Variants in P2RX7 observed in about 807,000 individuals in gnomAD.
P2RX7 encodes the protein purinergic receptor P2X 7, also known as P2X purinoceptor 7.
In P2RX7, 62 loss-of-function variants were observed where a neutral mutation model predicts 71.6. The ratio of observed to expected loss-of-function variants is 0.87; its 90% confidence interval spans 0.71 to 1.07. P2RX7 has a LOEUF of 1.07. Ranked by LOEUF, P2RX7 falls within the 50% of genes least tolerant of loss-of-function variation. P2RX7 has a pLI of 0.00. For missense variants in P2RX7, 686 were observed against 748.5 expected, an observed-to-expected ratio of 0.92 and a Z score of 0.97; for synonymous variants, 299 against 283.3, an observed-to-expected ratio of 1.06 and a Z score of -0.56.
In P2RX7 at chr12:121,175,960, G is replaced by A. The variant is rs192668214; in HGVS notation, c.972+482G>A. Among the ~76,000 whole-genome samples the A allele has an allele frequency of 2.2e-3, 337 of 152,048 alleles. 5 individuals carry two copies. The highest frequency in any genetic ancestry group is 3.7e-4 in the Non-Finnish European group (25 of 67,988). Reference sequence around the variant, plus strand: ...TCTTATATACGTCCTCCTTGGTCTTGGCAGCCATCTCTCTATGAAGGTATC... The same window carrying A: ...TCTTATATACGTCCTCCTTGGTCTTAGCAGCCATCTCTCTATGAAGGTATC... On this transcript the variant is annotated intron_variant, in intron 9 of 12. Coordinates refer to ENST00000328963, the MANE Select transcript of P2RX7 (RefSeq NM_002562.6).
intron 7 of P2RX7, 49 bp from the exon 8 acceptor site, chr12:121,167,439 G>A (rs202151370): frequency 5.0e-5 from 80 of 1,602,286 alleles, no homozygotes; most frequent in Non-Finnish European, 6.3e-5. Flanking sequence ...TGGCGGTTGC[G>A]TAACTCACAC....
At chr12:121,143,911 A>C (rs527670804) in intron 1 of P2RX7, among the ~76,000 whole-genome samples, 1 of 152,262 alleles carries the variant, frequency 6.6e-6, no homozygotes, top group African/African-American at 2.4e-5. Flanking sequence ...TCAGAAAATC[A>C]CCGGTTTTAA....
Position 121,167,582 on chromosome 12 carries a change from A to T in P2RX7, c.839A>T (p.Asp280Val). ...RPKYSFRRLD[D>V]KTTNVSLYPG... is the part of the protein sequence containing the mutation. ...AAATACAGTTTCCGTCGCCTTGACG[A>T]CAAGACCACCAACGTGTCCTTGTAC... is the stretch of plus-strand genomic sequence containing the variant. The change falls in exon 8 of 13, where the codon GAC (aspartate) becomes GTC (valine). Residue 280 changes from aspartate (D) to valine (V), a missense_variant. By Grantham distance (152) the Asp-to-Val change is radical (BLOSUM62 -3). Transcript: ENST00000328963. 6.2e-7 allele frequency: 1 copy of T among 1,611,426 alleles called. No homozygotes were observed. The highest frequency in any genetic ancestry group is 8.5e-7 in the Non-Finnish European group (1 of 1,178,654).
intron 1 of P2RX7, chr12:121,148,942 G>T: frequency 2.4e-6 from 1 of 408,926 alleles, no homozygotes; most frequent in South Asian, 2.0e-5. Context: ...TGTGAGCTAA[G>T]AGATACAAGG....
rs149562896 is a variant in P2RX7, at chr12:121,155,544, G to A, written c.295-535G>A. On this transcript the variant is annotated intron_variant, in intron 2 of 12. Transcript: ENST00000328963. Reference sequence around the variant, plus strand: ...GAGTCCAAAAAACAGATAAGGGGGCGAGAGGGACAAAGGGGCACGTTTGCG... The same window carrying A: ...GAGTCCAAAAAACAGATAAGGGGGCAAGAGGGACAAAGGGGCACGTTTGCG... Among the ~76,000 whole-genome samples, 742 of 152,228 alleles carry A rather than the reference G, an allele frequency of 4.9e-3. 5 individuals are homozygous for A. The highest frequency in any genetic ancestry group is 0.017 in the African/African-American group (712 of 41,530).
chr12:121,155,535 T>A (rs534169746), intron 2 of P2RX7, among the ~76,000 whole-genome samples: 1 of 151,866 alleles, frequency 6.6e-6, no homozygotes, highest in Non-Finnish European at 1.5e-5. Context: ...AAAAAACAGA[T>A]AAGGGGGCGA....
intron 8 of P2RX7, among the ~76,000 whole-genome samples, chr12:121,173,655 G>A (rs1882586403): frequency 6.6e-6 from 1 of 152,226 alleles, no homozygotes; most frequent in Non-Finnish European, 1.5e-5. Flanking sequence ...GTTACTCAGT[G>A]GAAGGGCAAG....
intron 12 of P2RX7, among the ~76,000 whole-genome samples, chr12:121,181,730 G>A (rs925685746): frequency 6.6e-5 from 10 of 151,620 alleles, no homozygotes; most frequent in East Asian, 1.9e-4. Context: ...GGTGGCGGGC[G>A]ACTGTAGTCC....
chr12:121,167,723 A>G (rs1881385263), intron 8 of P2RX7, 99 bp downstream of exon 8: 7 of 1,088,314 alleles, frequency 6.4e-6, no homozygotes, highest in Non-Finnish European at 7.6e-6. Context: ...AGATGAATGA[A>G]AAAAGACTTT....
At chr12:121,142,895 C>T (rs1875277580) in intron 1 of P2RX7, among the ~76,000 whole-genome samples, 1 of 151,920 alleles carries the variant, frequency 6.6e-6, no homozygotes, top group African/African-American at 2.4e-5. Context: ...TCAAGACCAG[C>T]CTGGCCAGCA....
chr12:121,171,844 C>T (rs946506828), intron 8 of P2RX7, among the ~76,000 whole-genome samples: 36 of 148,552 alleles, frequency 2.4e-4, no homozygotes, highest in African/African-American at 8.5e-4. Flanking sequence ...CACACTCACC[C>T]CAAGTGATTC....
chr12:121,168,092 T>A (rs1168245107), intron 8 of P2RX7, among the ~76,000 whole-genome samples: 1 of 152,030 alleles, frequency 6.6e-6, no homozygotes, highest in Non-Finnish European at 1.5e-5. Flanking sequence ...CTGTACCAAT[T>A]ATTTCATACA....
Position 121,166,160 on chromosome 12 carries a change from C to A in P2RX7, c.717C>A (p.Gly239=), listed in dbSNP as rs143136976. Residue 239 remains glycine (G), a synonymous_variant, in exon 7 of 13, where the codon GGC becomes GGA. Transcript: ENST00000328963. ...FRLGDIFRET[G]DNFSDVAIQG... ...TAGGAGACATCTTCCGAGAAACAGG[C>A]GATAATTTTTCAGATGTGGCAATTC... is the stretch of plus-strand genomic sequence containing the variant. The A allele has an allele frequency of 5.6e-6, 9 of 1,613,686 alleles. No homozygotes were observed. Among genetic ancestry groups the A allele is most frequent in the African/African-American group, 1.3e-5 (1 of 75,010 alleles).
intron 1 of P2RX7, among the ~76,000 whole-genome samples, chr12:121,152,387 G>T (rs1181446963): frequency 6.6e-6 from 1 of 152,076 alleles, no homozygotes; most frequent in South Asian, 2.1e-4. Flanking sequence ...GGAGTACAGG[G>T]GTGCAATCAC....
chr12:121,146,522 C>T (rs1876241593), intron 1 of P2RX7, among the ~76,000 whole-genome samples: 1 of 151,942 alleles, frequency 6.6e-6, no homozygotes. Context: ...GAACTCCTGA[C>T]CTCCAGTGAT....
At chr12:121,171,324 T>C (rs1371909221) in intron 8 of P2RX7, among the ~76,000 whole-genome samples, 1 of 150,394 alleles carries the variant, frequency 6.6e-6, no homozygotes, top group Admixed American at 6.7e-5. Flanking sequence ...CATCCTCACA[T>C]GGCCTTCTCC....
At chr12:121,175,257 G>C (rs3751147) in intron 8 of P2RX7, 131 bp from the exon 9 acceptor site, 63,021 of 563,412 alleles carry the variant, frequency 0.11, 4,679 homozygotes, top group Admixed American at 0.27. Flanking sequence ...GCTGCAGTGA[G>C]TGGTAATCCT....
Position 121,185,143 on chromosome 12 carries a change from T to C in P2RX7, c.*341T>C. 1 of 191,612 alleles carries C rather than the reference T, an allele frequency of 5.2e-6. No individual in the cohort carries two copies. Among genetic ancestry groups the C allele is most frequent in the Non-Finnish European group, 1.1e-5 (1 of 93,482 alleles). 11.9% of individuals were successfully genotyped at this position (191,612 alleles called of 1,614,324 possible). On this transcript the variant is annotated 3_prime_UTR_variant, in exon 13 of 13. Transcript: ENST00000328963. ...CTGCAGTAGCCATGTTAACATGACA[T>C]TTACCAGCAACTTGAACTTCACCTG... is the stretch of plus-strand genomic sequence containing the variant.
At chr12:121,165,530 T>C in intron 6 of P2RX7, 93 bp downstream of exon 6, 1 of 981,604 alleles carries the variant, frequency 1.0e-6, no homozygotes, top group Non-Finnish European at 1.6e-6. Flanking sequence ...AAACGCCTAT[T>C]GTCTCCCACG....
Sources: gnomAD v4.1 joint callset for allele counts (sites outside exome capture counted in the v4.1 genomes callset) on GRCh38, gnomAD v4.1.1 for gene constraint, MANE v1.5 for transcripts, NCBI Gene and HGNC (gene_info 2026-07-23, HGNC 2026-07-21) for gene names.